UVSSA: variants seen among roughly 807,000 people sequenced by gnomAD.
UVSSA encodes the protein UV-stimulated scaffold protein A.
UVSSA carries 72 observed loss-of-function variants against 73.9 expected under a neutral mutation model. That is an observed-to-expected ratio of 0.97 (90% CI 0.81 to 1.19). The LOEUF (loss-of-function observed/expected upper bound fraction) is 1.19. Ranked by LOEUF, UVSSA falls within the 50% of genes most tolerant of loss-of-function variation. The probability of loss-of-function intolerance (pLI) is 0.00; values close to 1 mark genes in which losing one functional copy is unlikely to be tolerated. For synonymous variants in UVSSA, 454 were observed against 391.3 expected (o/e 1.16, Z -1.89); for missense variants, 1,150 against 965.0 (o/e 1.19, Z -2.54).
chr4:1,369,237 C>T (rs1717724547), intron 8 of UVSSA, among the ~76,000 whole-genome samples: 1 of 152,240 alleles, frequency 6.6e-6, no homozygotes, highest in African/African-American at 2.4e-5. Context: ...GCAGCACCAG[C>T]TGTACCAGCC....
rs761085490 is a variant in UVSSA at position 1,365,752 on chromosome 4, C to T, written c.1177-568C>T. Among the ~76,000 whole-genome samples, 7 of 152,344 alleles carry T rather than the reference C, an allele frequency of 4.6e-5. No individual in the cohort carries two copies. The East Asian group carries it at 7.7e-4, about 17-fold the overall frequency. On this transcript the variant is annotated intron_variant, in intron 7 of 13. Coordinates refer to ENST00000389851, the MANE Select transcript of UVSSA (RefSeq NM_020894.4). ...CCTGTGTGGGGAGCTAGCCCTGGCC[C>T]GTTGCCTAAGAGCAGACGCACCTGC...
At chr4:1,393,598 A>T (rs940824019) in exon 14 of UVSSA, 5 of 152,056 alleles carry the variant, frequency 3.3e-5, no homozygotes, top group Admixed American at 2.0e-4. Flanking sequence ...AGATAGATAG[A>T]TAGATAGATA....
At chr4:1,372,729 A>AGG (rs1318928536) in intron 8 of UVSSA, among the ~76,000 whole-genome samples, 1 of 135,620 alleles carries the variant, frequency 7.4e-6, no homozygotes, top group African/African-American at 2.9e-5. Context: ...CCTGCTACTC[A>AGG]GCACTCACCT....
intron 8 of UVSSA, 147 bp from the exon 9 acceptor site, chr4:1,375,217 T>G: frequency 9.9e-6 from 13 of 1,315,944 alleles, no homozygotes; most frequent in South Asian, 1.3e-5. Context: ...CCCTCGCCCG[T>G]GAGGAGCAGA....
chr4:1,358,928 G>A (rs982368167), intron 7 of UVSSA, among the ~76,000 whole-genome samples: 1 of 152,358 alleles, frequency 6.6e-6, no homozygotes, highest in Non-Finnish European at 1.5e-5. Context: ...AACGCTGCTA[G>A]CTGCAGGCAG....
chr4:1,347,814 G>A, intron 1 of UVSSA, 54 bp downstream of exon 1: 1 of 370,950 alleles, frequency 2.7e-6, no homozygotes, highest in Non-Finnish European at 4.9e-6. Flanking sequence ...TTCGGACAGC[G>A]CCACTGGTTC....
intron 8 of UVSSA, among the ~76,000 whole-genome samples, chr4:1,368,519 A>C (rs1028472470): frequency 2.6e-5 from 4 of 152,226 alleles, no homozygotes; most frequent in Non-Finnish European, 5.9e-5. Context: ...AGGCCTGGCC[A>C]TCCCCTCCCC....
Position 1,383,874 on chromosome 4 carries a change from G to C in UVSSA, c.1970G>C (p.Ser657Thr). The C allele has an allele frequency of 6.2e-7, 1 of 1,613,622 alleles. No homozygotes were observed. The highest frequency in any genetic ancestry group is 1.1e-5 in the South Asian group (1 of 91,088). Residue 657 changes from serine (S) to threonine (T), a missense_variant, in exon 13 of 14, where the codon AGC (serine) becomes ACC (threonine). Transcript: ENST00000389851. ...AGGGGGAAGAAGAGGAGGTACCCCA[G>C]CCTCACCAACCTGAAGGCTCAGGCT... ...KGRGKKRRYP[S>T]LTNLKAQADT...
At chr4:1,377,099 C>T (rs989557513) in intron 10 of UVSSA, among the ~76,000 whole-genome samples, 49 of 152,184 alleles carry the variant, frequency 3.2e-4, no homozygotes, top group African/African-American at 1.1e-3. Flanking sequence ...AGCGTCTCAT[C>T]CGTGTGAGGG....
rs1479494738 is a variant in UVSSA at position 1,349,873 on chromosome 4, T to G, written c.429+19T>G. The G allele has an allele frequency of 6.6e-7, 1 of 1,510,420 alleles. No individual in the cohort carries two copies. Among genetic ancestry groups the G allele is most frequent in the South Asian group, 1.3e-5 (1 of 75,368 alleles). 93.6% of individuals were successfully genotyped at this position (1,510,420 alleles called of 1,614,324 possible). On this transcript the variant is annotated intron_variant, in intron 3 of 13. Coordinates refer to ENST00000389851, the MANE Select transcript of UVSSA (RefSeq NM_020894.4). ...CAAAAAGGTAGGTGGGCCTGGCCCATTTTTTCAGAGACTGGTTACCTGACG... is the reference window on the plus strand; with the variant it reads ...CAAAAAGGTAGGTGGGCCTGGCCCAGTTTTTCAGAGACTGGTTACCTGACG...
At chr4:1,375,248 A>C in intron 8 of UVSSA, 116 bp from the exon 9 acceptor site, 1 of 1,507,930 alleles carries the variant, frequency 6.6e-7, no homozygotes, top group Non-Finnish European at 9.0e-7. Flanking sequence ...CCACCTCGGG[A>C]CTGTTGGAAG....
rs1203144620 is a variant in UVSSA, at chr4:1,386,079, T to C, written c.*118T>C. The C allele has an allele frequency of 9.2e-7, 1 of 1,081,882 alleles. No individual in the cohort carries two copies. The highest frequency in any genetic ancestry group is 1.4e-6 in the Non-Finnish European group (1 of 723,082). 67.0% of individuals were successfully genotyped at this position (1,081,882 alleles called of 1,614,324 possible). The stretch of plus-strand genomic sequence containing the variant: ...GCTTTGTCTATTACTGTGTTTGATG[T>C]AAAGAAATGGTGTGTTGCAATGCCC... On this transcript the variant is annotated 3_prime_UTR_variant, in exon 14 of 14. Coordinates refer to ENST00000389851, the MANE Select transcript of UVSSA (RefSeq NM_020894.4).
chr4:1,382,687 G>T (rs942319066), intron 12 of UVSSA, among the ~76,000 whole-genome samples: 3 of 152,180 alleles, frequency 2.0e-5, no homozygotes, highest in East Asian at 3.9e-4. Context: ...CTTAATCTTG[G>T]ATTAATCGTT....
Position 1,382,703 on chromosome 4 carries a change from A to G in UVSSA, c.1862-1063A>G, listed in dbSNP as rs113211874. 1.4e-4 allele frequency among the ~76,000 whole-genome samples: 21 copies of G among 152,314 alleles called. 2 individuals carry two copies. Among genetic ancestry groups the G allele is most frequent in the African/African-American group, 3.6e-4 (15 of 41,578 alleles). ...TTAATCTTGGATTAATCGTTCCTGT[A>G]TCTGAATTGTGGGCCCCGTATTCCT... On this transcript the variant is annotated intron_variant, in intron 12 of 13. Transcript: ENST00000389851.
Position 1,394,931 on chromosome 4 carries a change from G to A in UVSSA, c.*8970G>A, listed in dbSNP as rs9762117. The A allele has an allele frequency of 3.7e-4, 523 of 1,419,368 alleles. 5 individuals carry two copies. In the African/African-American group the frequency reaches 5.0e-3, roughly 14 times the overall value. The allele number at this position is 1,419,368 out of a possible 1,614,324, so 87.9% of individuals were successfully genotyped here. A position where few individuals can be genotyped will look rare whatever the true frequency, so the allele number is the denominator to read the frequency against. On this transcript the variant is annotated 3_prime_UTR_variant, in exon 14 of 14. Transcript: ENST00000511216. ...ATGCGGAGTGCCCGCCTGCTCACACGTGCCCATGCGGAGTGCCCGCCTGCT... is the reference window on the plus strand; with the variant it reads ...ATGCGGAGTGCCCGCCTGCTCACACATGCCCATGCGGAGTGCCCGCCTGCT...
chr4:1,376,551 C>T (rs961754946), intron 10 of UVSSA, among the ~76,000 whole-genome samples: 6 of 152,178 alleles, frequency 3.9e-5, no homozygotes. Flanking sequence ...GTTGCAGCTG[C>T]TCACGGTGAC....
intron 8 of UVSSA, among the ~76,000 whole-genome samples, chr4:1,367,365 T>C (rs1281393507): frequency 6.6e-6 from 1 of 152,158 alleles, no homozygotes; most frequent in Middle Eastern, 3.2e-3. Context: ...TCAGCTTTTG[T>C]GTGGAATGGA....
chr4:1,384,200 C>CCTCG (rs973802186), intron 13 of UVSSA: 1 of 495,184 alleles, frequency 2.0e-6, no homozygotes, highest in African/African-American at 1.9e-5. Context: ...GCACCGCCAT[C>CCTCG]CTCGCTTCCT....
Position 1,348,173 on chromosome 4 carries a change from C to G in UVSSA, c.82C>G (p.Leu28Val), listed in dbSNP as rs769684519. ...PRLNPEKMKE[L>V]KKICKSSEEQ... is the part of the protein sequence containing the mutation. ...ACTAAATCCTGAGAAAATGAAGGAA[C>G]TGAAGAAAATTTGCAAGTATGTCTT... The change falls in exon 2 of 14, where the codon CTG becomes GTG. Residue 28 changes from leucine to valine, a missense_variant. Leu to Val is a conservative substitution (Grantham distance 32). Transcript: ENST00000389851. 162 of 1,613,606 alleles carry G rather than the reference C, an allele frequency of 1.0e-4. No homozygotes were observed. Among genetic ancestry groups the G allele is most frequent in the Non-Finnish European group, 1.4e-4 (161 of 1,179,884 alleles).
Sources: gnomAD v4.1 joint callset for allele counts (sites outside exome capture counted in the v4.1 genomes callset) on GRCh38, gnomAD v4.1.1 for gene constraint, MANE v1.5 for transcripts, NCBI Gene and HGNC (gene_info 2026-07-23, HGNC 2026-07-21) for gene names.